The following NIPAL1 variants were observed in gnomAD, a reference collection of about 807,000 sequenced individuals.
NIPAL1 encodes NIPA like domain containing 1.
A neutral mutation model predicts 37.7 loss-of-function variants in NIPAL1; 35 were observed. That is an observed-to-expected ratio of 0.93 (90% CI 0.71 to 1.23). NIPAL1 has a LOEUF of 1.23. Ranked by LOEUF, NIPAL1 falls within the 50% of genes most tolerant of loss-of-function variation. The pLI, the probability that NIPAL1 is intolerant of heterozygous loss-of-function variation, is 0.00. For synonymous variants in NIPAL1, 162 were observed against 183.0 expected (o/e 0.89, Z 0.93); for missense variants, 412 against 473.9 (o/e 0.87, Z 1.21).
At position 48,036,441 on chromosome 4, in the gene NIPAL1, G is replaced by T; in HGVS notation, c.*269G>T. 2.6e-6 allele frequency: 1 copy of T among 381,442 alleles called. No homozygotes were observed. Among genetic ancestry groups the T allele is most frequent in the Non-Finnish European group, 4.7e-6 (1 of 213,466 alleles). 23.6% of individuals were successfully genotyped at this position (381,442 alleles called of 1,614,324 possible). On this transcript the variant is annotated 3_prime_UTR_variant, in exon 6 of 6. Coordinates refer to ENST00000295461, the MANE Select transcript of NIPAL1 (RefSeq NM_207330.3). Reference sequence around the variant, plus strand: ...TGTCTCAGAATAATCTCCTTCTTCTGGTCACAGTATCTTTGTCTCTGCCAG... The same window carrying T: ...TGTCTCAGAATAATCTCCTTCTTCTTGTCACAGTATCTTTGTCTCTGCCAG...
rs887855076 is a variant in NIPAL1, at chr4:48,036,350, A to T, written c.*178A>T. ...ATTGAATTTGAAAATCAAATTGATT[A>T]TCCTCCAGAATCTCTACAAACTTTG... On this transcript the variant is annotated 3_prime_UTR_variant, in exon 6 of 6. Transcript: ENST00000295461. The T allele has an allele frequency of 1.8e-6, 1 of 567,296 alleles. No individual in the cohort carries two copies. The highest frequency in any genetic ancestry group is 2.0e-5 in the African/African-American group (1 of 51,136). 35.1% of individuals were successfully genotyped at this position (567,296 alleles called of 1,614,324 possible).
intron 3 of NIPAL1, among the ~76,000 whole-genome samples, chr4:48,032,287 G>A (rs1227274147): frequency 6.6e-6 from 1 of 152,188 alleles, no homozygotes; most frequent in Non-Finnish European, 1.5e-5. Context: ...ACTGTGTTCT[G>A]TGAGAATAAC....
At chr4:48,016,970 G>A (rs1237699007) in intron 1 of NIPAL1, 85 bp downstream of exon 1, 1 of 1,137,006 alleles carries the variant, frequency 8.8e-7, no homozygotes, top group African/African-American at 1.5e-5. Context: ...TGCGGAGACT[G>A]GAAAGGGGGG....
At position 48,016,777 on chromosome 4, in the gene NIPAL1, T is replaced by A. The variant is rs1715413263; in HGVS notation, c.-63T>A. On this transcript the variant is annotated 5_prime_UTR_variant, in exon 1 of 6. Coordinates refer to ENST00000295461, the MANE Select transcript of NIPAL1 (RefSeq NM_207330.3). ...ACCCCGCAGCCCCGCCCGCCGCGGGTGCGTGTGGAGAGGCCCAGGTGAGGA... is the reference window on the plus strand; with the variant it reads ...ACCCCGCAGCCCCGCCCGCCGCGGGAGCGTGTGGAGAGGCCCAGGTGAGGA... 4.1e-6 allele frequency: 6 copies of A among 1,478,360 alleles called. No homozygotes were observed. The highest frequency in any genetic ancestry group is 5.5e-6 in the Non-Finnish European group (6 of 1,096,452). 91.6% of individuals were successfully genotyped at this position (1,478,360 alleles called of 1,614,324 possible). A position where few individuals can be genotyped will look rare whatever the true frequency, so the allele number is the denominator to read the frequency against.
At position 48,023,137 on chromosome 4, in the gene NIPAL1, G is replaced by A. The variant is rs184298651; in HGVS notation, c.47-1931G>A. On this transcript the variant is annotated intron_variant, in intron 1 of 5. Coordinates refer to ENST00000295461, the MANE Select transcript of NIPAL1 (RefSeq NM_207330.3). ...ATTGCCCAGGCTGGTCTTGAACTCC[G>A]GGGCTCAAGCAAACCTCTAGCCTCT... is the stretch of plus-strand genomic sequence containing the variant. Among the ~76,000 whole-genome samples, 13 of 150,764 alleles carry A rather than the reference G, an allele frequency of 8.6e-5. 1 individual carries two copies. The East Asian group carries it at 9.9e-4, about 11-fold the overall frequency.
chr4:48,023,912 T>TA (rs1164256600), intron 1 of NIPAL1, among the ~76,000 whole-genome samples: 1 of 151,680 alleles, frequency 6.6e-6, no homozygotes, highest in East Asian at 1.9e-4. Context: ...TTTTTTGAAA[T>TA]ATATAACTCT....
chr4:48,035,438 T>A, intron 5 of NIPAL1, 124 bp from the exon 6 acceptor site: 1 of 895,094 alleles, frequency 1.1e-6, no homozygotes. Flanking sequence ...GAATGTTGTT[T>A]TTAATTTGAT....
chr4:48,031,351 AC>A (rs763770326), intron 3 of NIPAL1, among the ~76,000 whole-genome samples: 2 of 152,030 alleles, frequency 1.3e-5, no homozygotes, highest in Non-Finnish European at 1.5e-5. Flanking sequence ...GTGAGCCACC[AC>A]GCCCGGCCAC....
At position 48,035,698 on chromosome 4, in the gene NIPAL1, T is replaced by C. The variant is rs199865230; in HGVS notation, c.759T>C (p.Ser253=). The C allele has an allele frequency of 1.2e-6, 2 of 1,614,100 alleles. No individual in the cohort carries two copies. Among genetic ancestry groups the C allele is most frequent in the Non-Finnish European group, 1.7e-6 (2 of 1,180,010 alleles). Residue 253 remains serine, a synonymous_variant, in exon 6 of 6, where the codon TCT becomes TCC. Coordinates refer to ENST00000295461, the MANE Select transcript of NIPAL1 (RefSeq NM_207330.3). ...CSLIGAFSVS[S]VKGLGIAIKE... ...TGATTGGAGCGTTTTCAGTTTCTTC[T>C]GTGAAAGGCCTGGGAATTGCCATTA...
chr4:48,034,795 C>A, intron 4 of NIPAL1, 86 bp from the exon 5 acceptor site: 1 of 949,876 alleles, frequency 1.1e-6, no homozygotes. Flanking sequence ...TACATGGTGG[C>A]ATGTACCACA....
At chr4:48,017,863 CATATATAT>C (rs5858100) in intron 1 of NIPAL1, among the ~76,000 whole-genome samples, 50 of 150,928 alleles carry the variant, frequency 3.3e-4, no homozygotes, top group African/African-American at 7.1e-4. Context: ...TTCCCTTACA[CATATATAT>C]ATATATATAT....
At position 48,016,879 on chromosome 4, in the gene NIPAL1, C is replaced by G. The variant is rs1344108683; in HGVS notation, c.40C>G (p.Arg14Gly). 6.3e-7 allele frequency: 1 copy of G among 1,596,734 alleles called. No individual in the cohort carries two copies. Among genetic ancestry groups the G allele is most frequent in the Non-Finnish European group, 8.5e-7 (1 of 1,173,838 alleles). ...QVRLPPGEPC[R>G]EGYVLSLVCP... ...GAGGCTGCCGCCCGGAGAGCCCTGC[C>G]GAGAAGGTTTGTGTCTGCCCTGAGC... The change falls in exon 1 of 6, where the codon CGA (arginine) becomes GGA (glycine). Residue 14 changes from arginine (R) to glycine (G), a missense_variant. By Grantham distance (125) the Arg-to-Gly change is moderately radical. Coordinates refer to ENST00000295461, the MANE Select transcript of NIPAL1 (RefSeq NM_207330.3).
intron 1 of NIPAL1, 52 bp from the exon 2 acceptor site, chr4:48,025,016 A>G (rs1201107982): frequency 9.8e-6 from 15 of 1,536,416 alleles, no homozygotes; most frequent in Non-Finnish European, 1.3e-5. Context: ...GCCGGTAAGC[A>G]TTAATACCTC....
chr4:48,033,124 A>C, intron 4 of NIPAL1, 41 bp downstream of exon 4: 1 of 1,254,674 alleles, frequency 8.0e-7, no homozygotes, highest in South Asian at 1.2e-5. Context: ...TAGGTATTTT[A>C]AGACCAAGAT....
At chr4:48,021,089 C>A (rs1715558308) in intron 1 of NIPAL1, among the ~76,000 whole-genome samples, 1 of 152,026 alleles carries the variant, frequency 6.6e-6, no homozygotes. Context: ...AAATAGAATG[C>A]TGGCTGGGAA....
At position 48,038,482 on chromosome 4, in the gene NIPAL1, A is replaced by C. The variant is rs969042631; in HGVS notation, c.*2310A>C. 1 of 152,064 alleles carries C rather than the reference A, an allele frequency of 6.6e-6. No homozygotes were observed. Among genetic ancestry groups the C allele is most frequent in the African/African-American group, 2.4e-5 (1 of 41,396 alleles). 9.4% of individuals were successfully genotyped at this position (152,064 alleles called of 1,614,324 possible). A position where few individuals can be genotyped will look rare whatever the true frequency, so the allele number is the denominator to read the frequency against. ...GCAATAAACTAGACCCCATGTCTCT[A>C]AAAAATGTAAAAAACATCAAGAGGC... On this transcript the variant is annotated 3_prime_UTR_variant, in exon 6 of 6. Coordinates refer to ENST00000295461, the MANE Select transcript of NIPAL1 (RefSeq NM_207330.3).
chr4:48,025,985 A>C (rs1397044616), intron 2 of NIPAL1, among the ~76,000 whole-genome samples: 1 of 151,900 alleles, frequency 6.6e-6, no homozygotes, highest in African/African-American at 2.4e-5. Context: ...GAGTAGCATC[A>C]CCTCAGAAAG....
chr4:48,018,915 A>G (rs3950558), intron 1 of NIPAL1, among the ~76,000 whole-genome samples: 2 of 152,176 alleles, frequency 1.3e-5, no homozygotes, highest in Non-Finnish European at 2.9e-5. Flanking sequence ...CGAAAGTGAT[A>G]TTCAAGCTGA....
intron 1 of NIPAL1, among the ~76,000 whole-genome samples, chr4:48,021,820 AT>A (rs1715575758): frequency 6.6e-6 from 1 of 152,020 alleles, no homozygotes; most frequent in South Asian, 2.1e-4. Flanking sequence ...TAAAGAGAAA[AT>A]CAGGATAGTT....
Sources: allele counts gnomAD v4.1 joint callset (sites outside exome capture counted in the v4.1 genomes callset), GRCh38; gene constraint gnomAD v4.1.1; transcripts MANE v1.5; gene names NCBI Gene and HGNC (gene_info 2026-07-23, HGNC 2026-07-21).